The following NEBL variants were observed in gnomAD, a reference collection of about 807,000 sequenced individuals.
NEBL encodes the protein nebulette.
A neutral mutation model predicts 140.2 loss-of-function variants in NEBL; 122 were observed. The ratio of observed to expected loss-of-function variants is 0.87; its 90% CI spans 0.75 to 1.01. The LOEUF (loss-of-function observed/expected upper bound fraction) is 1.01. NEBL is among the 50% of genes least tolerant of loss of function. The pLI, the probability that NEBL is intolerant of heterozygous loss-of-function variation, is 0.00. For synonymous variants in NEBL, 436 were observed against 398.9 expected, an observed-to-expected ratio of 1.09 and a Z score of -1.11; for missense variants, 1,365 against 1,231.3, an observed-to-expected ratio of 1.11 and a Z score of -1.62.
intron 1 of NEBL, among the ~76,000 whole-genome samples, chr10:21,278,695 G>T (rs1361086785): frequency 6.6e-6 from 1 of 152,208 alleles, no homozygotes; most frequent in African/African-American, 2.4e-5. Context: ...AAGGGACAGA[G>T]GAAGAGAAGG....
chr10:20,827,263 G>T (rs375750984), intron 17 of NEBL, among the ~76,000 whole-genome samples: 1 of 152,196 alleles, frequency 6.6e-6, no homozygotes, highest in African/African-American at 2.4e-5. Flanking sequence ...GGAGAGCACG[G>T]TAGGAGAGAT....
Position 21,258,471 on chromosome 10 carries a change from G to A in NEBL, n.183-6643C>T, listed in dbSNP as rs775786405. Reference sequence around the variant, plus strand: ...TGTAATCCCAGCACTTTGGGAGGCCGAGACAGGTGGATCAACTGAGGCTGG... The same window carrying A: ...TGTAATCCCAGCACTTTGGGAGGCCAAGACAGGTGGATCAACTGAGGCTGG... On this transcript the variant is annotated intron_variant and non_coding_transcript_variant, in intron 1 of 8. Transcript: ENST00000675702. Among the ~76,000 whole-genome samples, 11 of 152,246 alleles carry A rather than the reference G, an allele frequency of 7.2e-5. 1 individual carries two copies. The highest frequency in any genetic ancestry group is 1.7e-4 in the African/African-American group (7 of 41,524).
intron 5 of NEBL, among the ~76,000 whole-genome samples, chr10:20,874,977 G>T (rs915087125): frequency 6.6e-6 from 1 of 152,050 alleles, no homozygotes. Flanking sequence ...GACCTCAAGT[G>T]ATCCTCTCAC....
At chr10:20,904,920 A>G (rs1394658002) in intron 4 of NEBL, among the ~76,000 whole-genome samples, 2 of 152,226 alleles carry the variant, frequency 1.3e-5, no homozygotes, top group East Asian at 1.9e-4. Flanking sequence ...TGATCTACCA[A>G]TTAATTCGTA....
At chr10:20,792,133 AAAAAG>A (rs1246626653) in intron 26 of NEBL, among the ~76,000 whole-genome samples, 6 of 151,850 alleles carry the variant, frequency 4.0e-5, no homozygotes, top group East Asian at 1.9e-4. Flanking sequence ...GAAAAAAAAA[AAAAAG>A]AAAGAAAGAA....
chr10:21,231,677 G>A (rs1842255379), intron 3 of NEBL, among the ~76,000 whole-genome samples: 1 of 152,194 alleles, frequency 6.6e-6, no homozygotes, highest in Admixed American at 6.5e-5. Flanking sequence ...AAGATCTGGG[G>A]AGAGAACGTT....
chr10:20,887,208 C>G (rs998588822), intron 4 of NEBL, among the ~76,000 whole-genome samples: 2 of 145,790 alleles, frequency 1.4e-5, no homozygotes, highest in Non-Finnish European at 3.1e-5. Context: ...ACTCCTAAAC[C>G]CTTCTGGATT....
chr10:21,079,812 G>A (rs1836285017), intron 2 of NEBL, among the ~76,000 whole-genome samples: 2 of 152,132 alleles, frequency 1.3e-5, no homozygotes, highest in Admixed American at 6.5e-5. Context: ...AGACATATAA[G>A]ATCATTATTT....
At chr10:21,215,456 AAAC>A (rs1841978161) in intron 3 of NEBL, among the ~76,000 whole-genome samples, 1 of 152,236 alleles carries the variant, frequency 6.6e-6, no homozygotes, top group Admixed American at 6.5e-5. Flanking sequence ...AAATTAAGCA[AAAC>A]AATACAAACT....
At chr10:21,272,276 T>G (rs1337220369) in intron 1 of NEBL, among the ~76,000 whole-genome samples, 2 of 151,526 alleles carry the variant, frequency 1.3e-5, no homozygotes, top group African/African-American at 4.8e-5. Context: ...ATATAAAAAA[T>G]TTTTACGTGT....
intron 2 of NEBL, chr10:21,112,960 C>A: frequency 5.8e-6 from 2 of 345,986 alleles, no homozygotes; most frequent in South Asian, 2.8e-5. Context: ...GGAAAGTGAT[C>A]TGCCCCTGGA....
chr10:20,960,451 C>T (rs2131615678), intron 4 of NEBL, among the ~76,000 whole-genome samples: 1 of 152,116 alleles, frequency 6.6e-6, no homozygotes, highest in Non-Finnish European at 1.5e-5. Flanking sequence ...TAAAATTCAA[C>T]TCTTTTTCTT....
intron 2 of NEBL, among the ~76,000 whole-genome samples, chr10:21,080,546 T>C (rs1446545686): frequency 6.6e-6 from 1 of 152,246 alleles, no homozygotes; most frequent in East Asian, 1.9e-4. Flanking sequence ...TCTTAGGGTC[T>C]CACAGACTAG....
rs1441074064 is a variant in NEBL at position 20,973,575 on chromosome 10, G to A, written c.250-11796C>T. ...TACCATTTTTTTACATAGAAAAAATGTATCAGAAACCTATAATTTGATCTA... is the reference window on the plus strand; with the variant it reads ...TACCATTTTTTTACATAGAAAAAATATATCAGAAACCTATAATTTGATCTA... On this transcript the variant is annotated intron_variant, in intron 3 of 6. Transcript: ENST00000417816. Among the ~76,000 whole-genome samples the A allele has an allele frequency of 2.0e-5, 3 of 152,090 alleles. 1 individual carries two copies. The highest frequency in any genetic ancestry group is 4.1e-4 in the South Asian group (2 of 4,824).
Position 20,783,764 on chromosome 10 carries a change from A to G in NEBL, c.*1983T>C, listed in dbSNP as rs1254846182. The G allele has an allele frequency of 2.0e-5, 3 of 152,688 alleles. No homozygotes were observed. In the East Asian group the frequency reaches 5.8e-4, roughly 29 times the overall value. 9.5% of individuals were successfully genotyped at this position (152,688 alleles called of 1,614,324 possible). A position where few individuals can be genotyped will look rare whatever the true frequency, so the allele number is the denominator to read the frequency against. ...TTTAACGACAGATTTTTTTGCAAAA[A>G]TATTGCAAGTTCAGTTTATTTTTGT... On this transcript the variant is annotated 3_prime_UTR_variant, in exon 28 of 28. Transcript: ENST00000377122.
At chr10:20,816,251 G>A (rs941297361) in intron 21 of NEBL, among the ~76,000 whole-genome samples, 3 of 152,146 alleles carry the variant, frequency 2.0e-5, no homozygotes, top group Non-Finnish European at 4.4e-5. Flanking sequence ...CATACCATCC[G>A]TAAAGCTGTA....
At chr10:20,947,964 A>T (rs572979213) in intron 4 of NEBL, among the ~76,000 whole-genome samples, 1 of 152,364 alleles carries the variant, frequency 6.6e-6, no homozygotes, top group African/African-American at 2.4e-5. Context: ...CCACACAAAA[A>T]AATATGTTAA....
At chr10:20,797,671 G>T (rs984992900) in intron 26 of NEBL, among the ~76,000 whole-genome samples, 1 of 150,942 alleles carries the variant, frequency 6.6e-6, no homozygotes, top group Admixed American at 6.6e-5. Context: ...TCCCTGCCAG[G>T]TAGGGAGGTC....
chr10:20,958,849 G>A (rs1021617327), intron 4 of NEBL, among the ~76,000 whole-genome samples: 4 of 152,064 alleles, frequency 2.6e-5, no homozygotes, highest in Admixed American at 6.6e-5. Context: ...CTCTCACCTC[G>A]TTCATCACAC....
Sources: allele counts gnomAD v4.1 joint callset (sites outside exome capture counted in the v4.1 genomes callset), GRCh38; gene constraint gnomAD v4.1.1; transcripts MANE v1.5; gene names NCBI Gene and HGNC (gene_info 2026-07-23, HGNC 2026-07-21).